Variants in TGFB2 observed in about 807,000 individuals in gnomAD.
TGFB2 encodes the protein transforming growth factor beta-2 proprotein.
Under a neutral mutation model 42.7 loss-of-function variants are expected in TGFB2, and 13 were observed. That is an observed-to-expected ratio of 0.30 (90% confidence interval 0.20 to 0.48). The LOEUF (loss-of-function observed/expected upper bound fraction) is 0.48. TGFB2 is among the 20% of genes least tolerant of loss of function. The pLI is 0.99. For synonymous variants in TGFB2, 193 were observed against 193.6 expected, an observed-to-expected ratio of 1.00 and a Z score of 0.03; for missense variants, 390 against 517.5, an observed-to-expected ratio of 0.75 and a Z score of 2.39.
chr1:218,425,502 C>T (rs541006028), intron 2 of TGFB2, among the ~76,000 whole-genome samples: 1 of 152,064 alleles, frequency 6.6e-6, no homozygotes, highest in Non-Finnish European at 1.5e-5. Context: ...CCACCGTGCC[C>T]GACCTGGTCT....
At chr1:218,408,363 C>A (rs555947120) in intron 2 of TGFB2, among the ~76,000 whole-genome samples, 3 of 152,092 alleles carry the variant, frequency 2.0e-5, no homozygotes, top group Admixed American at 2.0e-4. Flanking sequence ...TGCTCCATGA[C>A]GCAAGTGACA....
chr1:218,363,463 C>T (rs746826528), intron 1 of TGFB2: 7 of 1,555,722 alleles, frequency 4.5e-6, no homozygotes, highest in Non-Finnish European at 6.2e-6. Flanking sequence ...ATAGTTATAT[C>T]AAATCCATCT....
chr1:218,394,709 C>G (rs1413513001), intron 1 of TGFB2, among the ~76,000 whole-genome samples: 4 of 152,102 alleles, frequency 2.6e-5, no homozygotes, highest in African/African-American at 4.8e-5. Context: ...GAGAGAAAAT[C>G]AGAAACCACC....
At chr1:218,413,775 G>A (rs1443732430) in intron 2 of TGFB2, among the ~76,000 whole-genome samples, 2 of 152,158 alleles carry the variant, frequency 1.3e-5, no homozygotes, top group Non-Finnish European at 2.9e-5. Context: ...ATGTCTCATT[G>A]CATTTGCATT....
intron 2 of TGFB2, among the ~76,000 whole-genome samples, chr1:218,428,179 T>C (rs1659688457): frequency 6.6e-6 from 1 of 152,114 alleles, no homozygotes; most frequent in Non-Finnish European, 1.5e-5. Flanking sequence ...TTTGATGGGG[T>C]TGTTTGATTT....
chr1:218,437,609 A>G lies in TGFB2; in HGVS notation c.1086+113A>G, dbSNP rs945236393. On this transcript the variant is annotated intron_variant, in intron 6 of 6. Coordinates refer to ENST00000366930, the MANE Select transcript of TGFB2 (RefSeq NM_003238.6). ...CGTGCTGTCTTACCATCACACATGT[A>G]TGGGTACTGGAGAAAAATCTTTCAT... The G allele has an allele frequency of 2.3e-5, 27 of 1,157,242 alleles. No homozygotes were observed. In the African/African-American group the frequency reaches 3.3e-4, roughly 14 times the overall value. The allele number at this position is 1,157,242 out of a possible 1,614,324, so 71.7% of individuals were successfully genotyped here.
intron 1 of TGFB2, among the ~76,000 whole-genome samples, chr1:218,359,460 G>A (rs574188531): frequency 7.9e-5 from 12 of 152,266 alleles, no homozygotes; most frequent in East Asian, 1.9e-4. Context: ...TGAGGTGACC[G>A]GTGCTAGTTT....
chr1:218,354,731 A>T (rs1421416769), intron 1 of TGFB2, among the ~76,000 whole-genome samples: 1 of 152,236 alleles, frequency 6.6e-6, no homozygotes, highest in East Asian at 1.9e-4. Flanking sequence ...TAATACATCC[A>T]TGGAAGAATG....
At chr1:218,430,843 G>A (rs573789361) in intron 2 of TGFB2, among the ~76,000 whole-genome samples, 2 of 152,298 alleles carry the variant, frequency 1.3e-5, no homozygotes, top group East Asian at 3.9e-4. Flanking sequence ...ATGATTAAAG[G>A]TTTGGGAAAT....
chr1:218,439,539 A>G (rs1660087899), intron 6 of TGFB2, among the ~76,000 whole-genome samples: 2 of 152,190 alleles, frequency 1.3e-5, no homozygotes, highest in South Asian at 4.1e-4. Flanking sequence ...ATACCTACAT[A>G]TGCTGGAATT....
intron 2 of TGFB2, among the ~76,000 whole-genome samples, chr1:218,420,561 G>A (rs1171299989): frequency 1.3e-5 from 2 of 151,886 alleles, no homozygotes; most frequent in African/African-American, 4.8e-5. Flanking sequence ...TTTTAATGAA[G>A]GAAACAATAG....
intron 1 of TGFB2, among the ~76,000 whole-genome samples, chr1:218,390,048 A>G (rs1371562225): frequency 3.3e-5 from 5 of 152,172 alleles, no homozygotes; most frequent in Non-Finnish European, 5.9e-5. Context: ...ATGGTGCTCT[A>G]TTTACTTTCA....
chr1:218,376,502 C>CCTCTTGGA (rs1231663283), intron 1 of TGFB2, among the ~76,000 whole-genome samples: 1 of 151,972 alleles, frequency 6.6e-6, no homozygotes, highest in Non-Finnish European at 1.5e-5. Context: ...GGGATGAGTC[C>CCTCTTGGA]CTCTTGGAAG....
rs1472017535 is a variant in TGFB2 at position 218,409,692 on chromosome 1, A to T, written c.510+4360A>T. 2.0e-5 allele frequency among the ~76,000 whole-genome samples: 3 copies of T among 152,228 alleles called. No homozygotes were observed. In the East Asian group the frequency reaches 5.8e-4, roughly 29 times the overall value. On this transcript the variant is annotated intron_variant, in intron 2 of 6. Coordinates refer to ENST00000366930, the MANE Select transcript of TGFB2 (RefSeq NM_003238.6). ...AAAAAAAAACAGATTTGATGCTTAA[A>T]TGGGCAGATCTTCAGCTATTTGGAA...
intron 2 of TGFB2, among the ~76,000 whole-genome samples, chr1:218,426,513 G>A (rs1026809973): frequency 4.6e-5 from 7 of 152,182 alleles, no homozygotes; most frequent in African/African-American, 1.7e-4. Flanking sequence ...AGAGCTTGGA[G>A]CCTTGCTGAA....
intron 6 of TGFB2, 84 bp downstream of exon 6, chr1:218,437,580 A>G (rs1326955992): frequency 1.4e-6 from 2 of 1,410,660 alleles, no homozygotes; most frequent in East Asian, 4.9e-5. Flanking sequence ...GTTGTAATTA[A>G]CCTCGTGCTG....
At chr1:218,435,154 A>G (rs1370296786) in intron 4 of TGFB2, among the ~76,000 whole-genome samples, 1 of 152,222 alleles carries the variant, frequency 6.6e-6, no homozygotes, top group African/African-American at 2.4e-5. Context: ...GCATCTGCCC[A>G]CAATGCCAGG....
At chr1:218,397,621 ATTTCT>A (rs1210777565) in intron 1 of TGFB2, among the ~76,000 whole-genome samples, 3 of 151,684 alleles carry the variant, frequency 2.0e-5, no homozygotes, top group African/African-American at 7.3e-5. Flanking sequence ...TTCTTTGTAG[ATTTCT>A]TTTCTTCTGT....
intron 2 of TGFB2, 69 bp from the exon 3 acceptor site, chr1:218,434,013 A>G: frequency 1.3e-6 from 2 of 1,588,902 alleles, no homozygotes; most frequent in South Asian, 1.1e-5. Context: ...AACACTGTTA[A>G]TAGTTTTGGT....
Sources: gnomAD v4.1 joint callset for allele counts (sites outside exome capture counted in the v4.1 genomes callset) on GRCh38, gnomAD v4.1.1 for gene constraint, MANE v1.5 for transcripts, NCBI Gene and HGNC (gene_info 2026-07-23, HGNC 2026-07-21) for gene names.